The following PLPPR4 variants were observed in gnomAD, a reference collection of about 807,000 sequenced individuals.
PLPPR4 encodes the protein phospholipid phosphatase-related protein type 4.
In PLPPR4, 24 loss-of-function variants were observed where a neutral mutation model predicts 56.6. That is an observed-to-expected ratio of 0.42 (90% CI 0.31 to 0.60). PLPPR4 has a LOEUF of 0.60. PLPPR4 is among the 20% of genes least tolerant of loss of function. The pLI is 0.13. For missense variants in PLPPR4, 654 were observed against 885.8 expected (o/e 0.74, Z 3.32); for synonymous variants, 326 against 328.1 (o/e 0.99, Z 0.07).
intron 1 of PLPPR4, among the ~76,000 whole-genome samples, chr1:99,270,256 G>A (rs1362307219): frequency 6.6e-6 from 1 of 151,972 alleles, no homozygotes; most frequent in Non-Finnish European, 1.5e-5. Flanking sequence ...GAACTCCTGG[G>A]CTCAAGCAAT....
intron 4 of PLPPR4, among the ~76,000 whole-genome samples, chr1:99,299,449 A>G (rs1046014413): frequency 3.3e-5 from 5 of 151,980 alleles, no homozygotes; most frequent in Admixed American, 6.6e-5. Flanking sequence ...CATTTTTGCT[A>G]CTAGTCCCTA....
At chr1:99,303,177 CAAG>C (rs1659928632) in intron 6 of PLPPR4, among the ~76,000 whole-genome samples, 1 of 151,782 alleles carries the variant, frequency 6.6e-6, no homozygotes, top group African/African-American at 2.4e-5. Context: ...GGAGGGCATT[CAAG>C]AAGAAGAAAC....
At chr1:99,304,373 T>C (rs1194140022) in intron 6 of PLPPR4, among the ~76,000 whole-genome samples, 1 of 152,206 alleles carries the variant, frequency 6.6e-6, no homozygotes, top group Admixed American at 6.5e-5. Flanking sequence ...TTTGTGTAAG[T>C]GAACTTTATG....
chr1:99,267,329 T>A (rs943837700), intron 1 of PLPPR4, among the ~76,000 whole-genome samples: 2 of 152,212 alleles, frequency 1.3e-5, no homozygotes, highest in Non-Finnish European at 2.9e-5. Context: ...GAAATCAAGA[T>A]GGACTGAGTT....
intron 2 of PLPPR4, among the ~76,000 whole-genome samples, chr1:99,291,202 G>T (rs1659612044): frequency 6.6e-6 from 1 of 151,944 alleles, no homozygotes; most frequent in Admixed American, 6.6e-5. Flanking sequence ...CAACATCACT[G>T]ATCATTAGAG....
chr1:99,283,392 G>A (rs1373301311), intron 1 of PLPPR4, among the ~76,000 whole-genome samples: 1 of 152,112 alleles, frequency 6.6e-6, no homozygotes, highest in Non-Finnish European at 1.5e-5. Flanking sequence ...AAAATATCAT[G>A]ATAGTTTTGA....
chr1:99,273,809 T>C (rs753839257), intron 1 of PLPPR4, among the ~76,000 whole-genome samples: 1 of 152,116 alleles, frequency 6.6e-6, no homozygotes, highest in South Asian at 2.1e-4. Flanking sequence ...CATATGAACA[T>C]AAATTTTTCT....
At chr1:99,303,331 C>G (rs1659933824) in intron 6 of PLPPR4, among the ~76,000 whole-genome samples, 1 of 152,054 alleles carries the variant, frequency 6.6e-6, no homozygotes, top group African/African-American at 2.4e-5. Context: ...AGGTAAATGA[C>G]AGATGAAGCA....
At chr1:99,294,239 GA>G (rs1408882915) in intron 2 of PLPPR4, among the ~76,000 whole-genome samples, 1 of 152,184 alleles carries the variant, frequency 6.6e-6, no homozygotes. Flanking sequence ...TTAAGTGACA[GA>G]AGTGAGTGTG....
At chr1:99,280,084 A>G (rs1659283886) in intron 1 of PLPPR4, among the ~76,000 whole-genome samples, 1 of 152,128 alleles carries the variant, frequency 6.6e-6, no homozygotes, top group African/African-American at 2.4e-5. Flanking sequence ...TTCAAACTGC[A>G]CCTTTCCCCT....
At chr1:99,264,238 A>T, upstream of PLPPR4, 1 of 539,194 alleles carries the variant, frequency 1.9e-6, no homozygotes, top group Non-Finnish European at 3.2e-6. Flanking sequence ...AAGCTCCGAC[A>T]GCCTTGGAGC....
Position 99,306,357 on chromosome 1 carries a change from T to A in PLPPR4, c.1495T>A (p.Ser499Thr), listed in dbSNP as rs1344793504. The A allele has an allele frequency of 1.2e-6, 2 of 1,613,894 alleles. No individual in the cohort carries two copies. Among genetic ancestry groups the A allele is most frequent in the Non-Finnish European group, 1.7e-6 (2 of 1,180,018 alleles). The change falls in exon 7 of 7, where the codon TCC becomes ACC. Residue 499 changes from serine (S) to threonine (T), a missense_variant. Physicochemically the swap from Ser to Thr is moderately conservative, Grantham distance 58. This residue lies in a region of PLPPR4 where 468 missense variants were observed against 554.3 expected (regional missense o/e 0.84). Coordinates refer to ENST00000370185, the MANE Select transcript of PLPPR4 (RefSeq NM_014839.5). The surrounding 1 kb of genome is among the most constrained non-coding windows in gnomAD (Gnocchi z 4.0). ...GGAGACTCAGGAAAACATAAGCACC[T>A]CCCCCAAAAGCAGCTCTGCTCGGGC... is the stretch of plus-strand genomic sequence containing the variant. ...PEETQENIST[S>T]PKSSSARAKW...
At chr1:99,303,649 AT>A (rs1659941335) in intron 6 of PLPPR4, among the ~76,000 whole-genome samples, 4 of 152,350 alleles carry the variant, frequency 2.6e-5, no homozygotes, top group African/African-American at 9.6e-5. Flanking sequence ...TTGGAAAGGC[AT>A]TACAAGAAAA....
rs1343530958 is a variant in PLPPR4 at position 99,309,438 on chromosome 1, T to C, written c.*2428T>C. 2 of 152,302 alleles carry C rather than the reference T, an allele frequency of 1.3e-5. No individual in the cohort carries two copies. Among genetic ancestry groups the C allele is most frequent in the Non-Finnish European group, 2.9e-5 (2 of 67,962 alleles). The allele number at this position is 152,302 out of a possible 1,614,324, so 9.4% of individuals were successfully genotyped here. A position where few individuals can be genotyped will look rare whatever the true frequency, so the allele number is the denominator to read the frequency against. On this transcript the variant is annotated 3_prime_UTR_variant, in exon 7 of 7. Coordinates refer to ENST00000370185, the MANE Select transcript of PLPPR4 (RefSeq NM_014839.5). ...TATATATAGTATATATAAAGTACTGTGTTTAAAAAAATGTTATGCAATGTT... is the reference window on the plus strand; with the variant it reads ...TATATATAGTATATATAAAGTACTGCGTTTAAAAAAATGTTATGCAATGTT...
chr1:99,264,118 T>G, upstream of PLPPR4: 1 of 347,928 alleles, frequency 2.9e-6, no homozygotes, highest in Non-Finnish European at 5.2e-6. Context: ...TTTAATAGCA[T>G]TCCTAGAGTG....
chr1:99,297,046 ATG>A (rs1659761835), intron 3 of PLPPR4, among the ~76,000 whole-genome samples, 179 bp downstream of exon 3: 1 of 152,284 alleles, frequency 6.6e-6, no homozygotes, highest in East Asian at 1.9e-4. Flanking sequence ...TGTATCTGAA[ATG>A]TGTTATTTAC....
chr1:99,305,979 A>T lies in PLPPR4; in HGVS notation c.1117A>T (p.Asn373Tyr), dbSNP rs1228422144. The T allele has an allele frequency of 6.2e-7, 1 of 1,614,204 alleles. No homozygotes were observed. Among genetic ancestry groups the T allele is most frequent in the Non-Finnish European group, 8.5e-7 (1 of 1,180,024 alleles). Residue 373 changes from asparagine (N) to tyrosine (Y), a missense_variant, in exon 7 of 7, where the codon AAT becomes TAT. Around this residue, in one of 2 missense-constraint regions of PLPPR4, gnomAD observed 468 missense variants for 554.3 expected, o/e 0.84. Transcript: ENST00000370185. The stretch of plus-strand genomic sequence containing the variant: ...CTTCAGCAATACCTTGCCGCGAGCC[A>T]ATACCCCATCTGTAGAAGACCCTGT... ...VTFSNTLPRA[N>Y]TPSVEDPVRR... is the part of the protein sequence containing the mutation.
intron 1 of PLPPR4, among the ~76,000 whole-genome samples, chr1:99,283,390 A>C (rs907610039): frequency 2.6e-5 from 4 of 152,198 alleles, no homozygotes; most frequent in Admixed American, 1.3e-4. Flanking sequence ...ATAAAATATC[A>C]TGATAGTTTT....
At chr1:99,295,380 C>T (rs1284108200) in intron 2 of PLPPR4, among the ~76,000 whole-genome samples, 1 of 152,008 alleles carries the variant, frequency 6.6e-6, no homozygotes, top group Non-Finnish European at 1.5e-5. Flanking sequence ...TTAAAAAAAA[C>T]TATAATTTTG....
Sources: allele counts gnomAD v4.1 joint callset (sites outside exome capture counted in the v4.1 genomes callset), GRCh38; gene constraint gnomAD v4.1.1; regional missense constraint gnomAD v4.1.1; non-coding constraint Gnocchi (gnomAD v3.1); transcripts MANE v1.5; gene names NCBI Gene and HGNC (gene_info 2026-07-23, HGNC 2026-07-21).